The following CRYAB variants were observed in gnomAD, a reference collection of about 807,000 sequenced individuals.
CRYAB encodes crystallin alpha B, also known as alpha-crystallin B chain.
CRYAB carries 9 observed loss-of-function variants against 12.7 expected under a neutral mutation model. That is an observed-to-expected ratio of 0.71 (90% confidence interval 0.43 to 1.24). CRYAB has a LOEUF of 1.24. Ranked by LOEUF, CRYAB falls within the 50% of genes most tolerant of loss-of-function variation. The pLI, the probability that CRYAB is intolerant of heterozygous loss-of-function variation, is 0.00. For missense variants in CRYAB, 183 were observed against 226.6 expected (o/e 0.81, Z 1.24); for synonymous variants, 93 against 86.8 (o/e 1.07, Z -0.40).
chr11:111,913,143 T>G (rs1193798523), upstream of CRYAB: 2 of 604,018 alleles, frequency 3.3e-6, no homozygotes, highest in East Asian at 2.8e-5. Flanking sequence ...TGATACCTGC[T>G]CTTTGCCGGC....
intron 2 of CRYAB, 81 bp from the exon 3 acceptor site, chr11:111,909,048 T>A: frequency 2.8e-6 from 4 of 1,446,364 alleles, no homozygotes; most frequent in Non-Finnish European, 3.9e-6. Flanking sequence ...GGCATCCTGA[T>A]TTCCCCTTAG....
intron 1 of CRYAB, among the ~76,000 whole-genome samples, chr11:111,919,684 T>C (rs1368413196): frequency 1.3e-5 from 2 of 152,148 alleles, no homozygotes; most frequent in Non-Finnish European, 2.9e-5. Flanking sequence ...TTCCAATACT[T>C]TATGAGGTAA....
At chr11:111,918,488 C>T (rs1965631572) in intron 1 of CRYAB, among the ~76,000 whole-genome samples, 1 of 152,100 alleles carries the variant, frequency 6.6e-6, no homozygotes, top group African/African-American at 2.4e-5. Context: ...GTATCCCAAC[C>T]CAGATTCTGT....
upstream of CRYAB, chr11:111,912,872 G>C: frequency 1.2e-6 from 2 of 1,609,728 alleles, no homozygotes; most frequent in Non-Finnish European, 1.7e-6. Flanking sequence ...GGCCACCGCC[G>C]AGTACGAATT....
chr11:111,918,206 G>C (rs782657736), upstream of CRYAB: 2 of 152,912 alleles, frequency 1.3e-5, no homozygotes, highest in Non-Finnish European at 2.9e-5. Flanking sequence ...TGGGTTACTG[G>C]AAGGAGACGC....
At chr11:111,909,870 G>T (rs1965397854) in intron 2 of CRYAB, 1 of 441,010 alleles carries the variant, frequency 2.3e-6, no homozygotes, top group Admixed American at 3.7e-5. Context: ...CTAATCAGTG[G>T]TTCTCAACCT....
chr11:111,912,173 A>C (rs1162996103), upstream of CRYAB: 1 of 224,892 alleles, frequency 4.4e-6, no homozygotes, highest in Non-Finnish European at 8.9e-6. Flanking sequence ...GGGCCTGGGC[A>C]GGGACTGGAA....
rs782402748 is a variant in CRYAB at position 111,911,629 on chromosome 11, C to T, written c.96G>A (p.Leu32=). The stretch of plus-strand genomic sequence containing the variant: ...ACGTCGGGAAAAGATCAGACTCCAA[C>T]AGGTGCTCTCCGAAGAACTGGTCAA... The part of the protein sequence containing the change: ...RLFDQFFGEH[L]LESDLFPTST... The change falls in exon 1 of 3, where the codon CTG becomes CTA. Residue 32 remains leucine (L), a synonymous_variant. Transcript: ENST00000650687. 7 of 1,612,276 alleles carry T rather than the reference C, an allele frequency of 4.3e-6. No individual in the cohort carries two copies. Among genetic ancestry groups the T allele is most frequent in the Non-Finnish European group, 4.2e-6 (5 of 1,179,348 alleles).
At chr11:111,910,237 G>A (rs782636665) in intron 2 of CRYAB, 90 bp downstream of exon 2, 2 of 1,526,212 alleles carry the variant, frequency 1.3e-6, no homozygotes, top group South Asian at 2.2e-5. Flanking sequence ...GGACTGGAAT[G>A]TAGCCAGCCT....
At chr11:111,913,630 A>T (rs1965543269), upstream of CRYAB, 3 of 1,613,980 alleles carry the variant, frequency 1.9e-6, no homozygotes, top group Non-Finnish European at 2.5e-6. Context: ...ACTGTGGATA[A>T]CCTGCTGGAG....
intron 1 of CRYAB, chr11:111,911,034 C>T (rs1423834414): frequency 4.0e-5 from 9 of 225,274 alleles, no homozygotes; most frequent in Non-Finnish European, 7.9e-5. Flanking sequence ...TTGATTGGAC[C>T]CAGGCCAGCG....
intron 1 of CRYAB, among the ~76,000 whole-genome samples, chr11:111,919,674 T>C (rs1301920971): frequency 2.6e-5 from 4 of 152,214 alleles, no homozygotes; most frequent in Non-Finnish European, 5.9e-5. Context: ...CATTTAATTT[T>C]TCCAATACTT....
chr11:111,912,625 G>A, upstream of CRYAB: 2 of 594,318 alleles, frequency 3.4e-6, no homozygotes, highest in Non-Finnish European at 6.0e-6. Context: ...CTAGGGGTCC[G>A]GGCGGCGCTG....
chr11:111,910,362 C>T lies in CRYAB; in HGVS notation c.289G>A (p.Val97Met), dbSNP rs782452521. 1 of 1,614,246 alleles carries T rather than the reference C, an allele frequency of 6.2e-7. No individual in the cohort carries two copies. Among genetic ancestry groups the T allele is most frequent in the Non-Finnish European group, 8.5e-7 (1 of 1,180,040 alleles). The change falls in exon 2 of 3, where the codon GTG becomes ATG. Residue 97 changes from valine (V) to methionine (M), a missense_variant. This residue lies in a region of CRYAB where 95 missense variants were observed against 112.5 expected (regional missense o/e 0.84). Coordinates refer to ENST00000650687, the MANE Select transcript of CRYAB (RefSeq NM_001289808.2). ...EELKVKVLGDVIEVHGKHEER... is the reference protein window; with the variant it reads ...EELKVKVLGDMIEVHGKHEER... ...TCATGTTTTCCATGCACCTCAATCA[C>T]ATCTCCCAACACCTTAACTTTGAGT...
Position 111,908,620 on chromosome 11 carries a change from T to C in CRYAB, c.*144A>G. The C allele has an allele frequency of 2.8e-6, 2 of 718,732 alleles. No homozygotes were observed. Among genetic ancestry groups the C allele is most frequent in the Non-Finnish European group, 4.9e-6 (2 of 411,426 alleles). 44.5% of individuals were successfully genotyped at this position (718,732 alleles called of 1,614,324 possible). On this transcript the variant is annotated 3_prime_UTR_variant, in exon 3 of 3. Coordinates refer to ENST00000650687, the MANE Select transcript of CRYAB (RefSeq NM_001289808.2). ...TGTGGAATATTCAAACACAAGACAG[T>C]TATCTGTTGCTGAATGATATTTTAT... is the stretch of plus-strand genomic sequence containing the variant.
intron 1 of CRYAB, chr11:111,910,841 G>A (rs1307152321): frequency 3.0e-6 from 1 of 331,462 alleles, no homozygotes; most frequent in Non-Finnish European, 5.8e-6. Flanking sequence ...ACCCAATCTG[G>A]AATGTTCTGC....
At chr11:111,922,468 C>T (rs1043904950) in intron 1 of CRYAB, among the ~76,000 whole-genome samples, 14 of 152,172 alleles carry the variant, frequency 9.2e-5, no homozygotes, top group African/African-American at 1.2e-4. Context: ...ACTTCTGCAA[C>T]GAGCAGAAAA....
chr11:111,911,835 G>A, upstream of CRYAB: 1 of 752,974 alleles, frequency 1.3e-6, no homozygotes, highest in Middle Eastern at 3.7e-4. Flanking sequence ...GGTGATGTCA[G>A]GGGTTTTATT....
At chr11:111,909,022 A>G (rs1555165278) in intron 2 of CRYAB, 55 bp from the exon 3 acceptor site, 3 of 1,580,046 alleles carry the variant, frequency 1.9e-6, no homozygotes, top group Non-Finnish European at 2.6e-6. Context: ...AACTATTATC[A>G]CCTGCCCAGA....
Sources: allele counts gnomAD v4.1 joint callset (sites outside exome capture counted in the v4.1 genomes callset), GRCh38; gene constraint gnomAD v4.1.1; regional missense constraint gnomAD v4.1.1; transcripts MANE v1.5; gene names NCBI Gene and HGNC (gene_info 2026-07-23, HGNC 2026-07-21).